The following TFB1M variants were observed in gnomAD, a reference collection of about 807,000 sequenced individuals.
The protein encoded by TFB1M is transcription factor B1, mitochondrial.
A neutral mutation model predicts 31.1 loss-of-function variants in TFB1M; 27 were observed. The ratio of observed to expected loss-of-function variants is 0.87; its 90% confidence interval spans 0.64 to 1.20. The LOEUF is 1.20. Ranked by LOEUF, TFB1M falls within the 50% of genes most tolerant of loss-of-function variation. The pLI is 0.00. For missense variants in TFB1M, 394 were observed against 418.7 expected (o/e 0.94, Z 0.51); for synonymous variants, 166 against 151.8 (o/e 1.09, Z -0.69).
intron 2 of TFB1M, among the ~76,000 whole-genome samples, chr6:155,309,744 G>C (rs1407083653): frequency 1.3e-5 from 2 of 152,168 alleles, no homozygotes; most frequent in Non-Finnish European, 2.9e-5. Context: ...GGATTATACA[G>C]TTATTTAGTT....
At chr6:155,297,516 G>T (rs558813827) in intron 3 of TFB1M, among the ~76,000 whole-genome samples, 1 of 152,214 alleles carries the variant, frequency 6.6e-6, no homozygotes, top group Non-Finnish European at 1.5e-5. Context: ...TCTGCAATAC[G>T]TAGGTGGTAA....
At chr6:155,299,970 C>T (rs1470626259) in intron 2 of TFB1M, among the ~76,000 whole-genome samples, 1 of 152,224 alleles carries the variant, frequency 6.6e-6, no homozygotes, top group East Asian at 1.9e-4. Flanking sequence ...GGACCCATTT[C>T]CTATCTACCT....
chr6:155,292,841 A>AT (rs1407612904), intron 4 of TFB1M, among the ~76,000 whole-genome samples: 2 of 152,040 alleles, frequency 1.3e-5, no homozygotes, highest in Non-Finnish European at 2.9e-5. Context: ...TATTTGTTCA[A>AT]TTTTTTGAGA....
intron 5 of TFB1M, chr6:155,276,236 C>T (rs1270858957): frequency 1.2e-6 from 2 of 1,613,974 alleles, no homozygotes; most frequent in Non-Finnish European, 1.7e-6. Context: ...TTCTGCAATG[C>T]TGTTGTTTAT....
At chr6:155,251,563 A>C (rs180961534), downstream of TFB1M, among the ~76,000 whole-genome samples, 1 of 152,318 alleles carries the variant, frequency 6.6e-6, no homozygotes, top group Non-Finnish European at 1.5e-5. Flanking sequence ...CTGGGATTAC[A>C]GGCATTAGCC....
chr6:155,247,267 T>C, the TFB1M span, among the ~76,000 whole-genome samples: 1 of 152,206 alleles, frequency 6.6e-6, no homozygotes, highest in African/African-American at 2.4e-5. Flanking sequence ...ACTGGTTTAT[T>C]TTCCTTTATG....
Position 155,273,106 on chromosome 6 carries a change from C to T in TFB1M, c.666+12052G>A, listed in dbSNP as rs1583325821. ...AGTAATTTAGCAAGCTGGCTGGAGT[C>T]CGAAATGCTAAAACCTAAACTTGAA... is the stretch of plus-strand genomic sequence containing the variant. On this transcript the variant is annotated intron_variant, in intron 5 of 6. Coordinates refer to ENST00000367166, the MANE Select transcript of TFB1M (RefSeq NM_016020.4). Among the ~76,000 whole-genome samples the T allele has an allele frequency of 2.0e-5, 3 of 152,314 alleles. No individual in the cohort carries two copies. The South Asian group carries it at 6.2e-4, about 32-fold the overall frequency.
intron 2 of TFB1M, among the ~76,000 whole-genome samples, chr6:155,302,029 C>G (rs1414700188): frequency 6.6e-6 from 1 of 152,136 alleles, no homozygotes; most frequent in Non-Finnish European, 1.5e-5. Context: ...TAACCAAAGT[C>G]TTAGTGAAAG....
At chr6:155,248,183 A>AGGC in the TFB1M span, 192 of 1,611,808 alleles carry the variant, frequency 1.2e-4, no homozygotes, top group Admixed American at 2.3e-4. Context: ...CTGACGGGTG[A>AGGC]GGCGGCGGCG....
chr6:155,285,934 T>C (rs1329220208), intron 4 of TFB1M, among the ~76,000 whole-genome samples: 6 of 152,148 alleles, frequency 3.9e-5, no homozygotes, highest in Admixed American at 3.9e-4. Flanking sequence ...ATGTATTATA[T>C]ATATATTTAA....
chr6:155,291,982 C>G (rs771705353), intron 4 of TFB1M, among the ~76,000 whole-genome samples: 6 of 152,096 alleles, frequency 3.9e-5, no homozygotes, highest in Admixed American at 1.3e-4. Context: ...TGTTCTGAAA[C>G]AAGTATAAAG....
At chr6:155,295,703 AT>A in intron 4 of TFB1M, among the ~76,000 whole-genome samples, 1 of 152,194 alleles carries the variant, frequency 6.6e-6, no homozygotes, top group East Asian at 1.9e-4. Context: ...CCAATCCCAG[AT>A]CAAAAATATT....
At chr6:155,232,164 G>T in the TFB1M span, among the ~76,000 whole-genome samples, 1 of 152,094 alleles carries the variant, frequency 6.6e-6, no homozygotes. Context: ...TTCCATCCTT[G>T]CCAGTGATAT....
At chr6:155,275,481 G>A in intron 5 of TFB1M, 1 of 471,464 alleles carries the variant, frequency 2.1e-6, no homozygotes, top group Non-Finnish European at 3.8e-6. Flanking sequence ...TTCTCCTCCA[G>A]CCTACAGCAT....
chr6:155,243,503 A>G, the TFB1M span, among the ~76,000 whole-genome samples: 1 of 152,228 alleles, frequency 6.6e-6, no homozygotes, highest in African/African-American at 2.4e-5. Flanking sequence ...GTATTGTGAT[A>G]TTAAACTCTT....
intron 1 of TFB1M, among the ~76,000 whole-genome samples, chr6:155,312,208 C>T (rs1778044878): frequency 6.6e-6 from 1 of 152,102 alleles, no homozygotes; most frequent in South Asian, 2.1e-4. Flanking sequence ...TGCTTGTTTT[C>T]AACAACATAA....
At position 155,314,479 on chromosome 6, in the gene TFB1M, C is replaced by A. The variant is rs1457490654; in HGVS notation, c.-51G>T. ...CTACCTCACCCAGGACCTTCACCGCCGCTCCGAAAGAAACGCGCAGGGGAG... is the reference window on the plus strand; with the variant it reads ...CTACCTCACCCAGGACCTTCACCGCAGCTCCGAAAGAAACGCGCAGGGGAG... On this transcript the variant is annotated 5_prime_UTR_variant, in exon 1 of 7. Transcript: ENST00000367166. 6.2e-7 allele frequency: 1 copy of A among 1,613,124 alleles called. No homozygotes were observed. Among genetic ancestry groups the A allele is most frequent in the Non-Finnish European group, 8.5e-7 (1 of 1,179,824 alleles).
chr6:155,256,129 C>A, downstream of TFB1M: 1 of 410,308 alleles, frequency 2.4e-6, no homozygotes, highest in South Asian at 3.2e-5. Context: ...TACAAAGCAC[C>A]TTAGTGAAAG....
the TFB1M span, among the ~76,000 whole-genome samples, chr6:155,238,666 G>A: frequency 5.3e-5 from 8 of 152,176 alleles, no homozygotes; most frequent in Admixed American, 1.3e-4. Context: ...CCCTTTCACC[G>A]AAGCCTTCCT....
Sources: gnomAD v4.1 joint callset for allele counts (sites outside exome capture counted in the v4.1 genomes callset) on GRCh38, gnomAD v4.1.1 for gene constraint, MANE v1.5 for transcripts, NCBI Gene and HGNC (gene_info 2026-07-23, HGNC 2026-07-21) for gene names.